RAPGEF1: variants seen among roughly 807,000 people sequenced by gnomAD.
The protein encoded by RAPGEF1 is CRK SH3-binding GNRP.
RAPGEF1 carries 33 observed loss-of-function variants against 143.3 expected under a neutral mutation model. The observed-to-expected ratio is 0.23, with a 90% confidence interval of 0.17 to 0.31. The LOEUF (loss-of-function observed/expected upper bound fraction) is 0.31, where lower values mean the gene tolerates loss of function less well. Ranked by LOEUF, RAPGEF1 falls within the 10% of genes least tolerant of loss-of-function variation. The pLI, the probability that RAPGEF1 is intolerant of heterozygous loss-of-function variation, is 1.00. For missense variants in RAPGEF1, 1,199 were observed against 1,645.4 expected (o/e 0.73, Z 4.69); for synonymous variants, 629 against 676.5 (o/e 0.93, Z 1.09).
rs938955536 is a variant in RAPGEF1, at chr9:131,738,652, G to A, written c.61+1118C>T. Among the ~76,000 whole-genome samples the A allele has an allele frequency of 1.2e-4, 18 of 152,286 alleles. 1 individual carries two copies. Among genetic ancestry groups the A allele is most frequent in the African/African-American group, 4.3e-4 (18 of 41,562 alleles). On this transcript the variant is annotated intron_variant, in intron 1 of 26. Transcript: ENST00000683357. ...AACTGGGACCATATTCTTTCCCACA[G>A]ACTAGCTTCAAAAATTTAAGAAGCA...
intron 22 of RAPGEF1, among the ~76,000 whole-genome samples, chr9:131,586,200 ACACACACACG>A (rs1952701062): frequency 6.8e-6 from 1 of 147,156 alleles, no homozygotes. Flanking sequence ...CGTCTCAAAC[ACACACACACG>A]CACGCACACA....
rs781323906 is a variant in RAPGEF1 at position 131,626,501 on chromosome 9, C to T, written c.1202-79G>A. 2.7e-5 allele frequency: 38 copies of T among 1,425,838 alleles called. No individual in the cohort carries two copies. The African/African-American group carries it at 4.3e-4, about 16-fold the overall frequency. 88.3% of individuals were successfully genotyped at this position (1,425,838 alleles called of 1,614,324 possible). A position where few individuals can be genotyped will look rare whatever the true frequency, so the allele number is the denominator to read the frequency against. Reference sequence around the variant, plus strand: ...CAGCCAGCTCCCCCCGCCCGCCTCTCGCCGGCTCGCTCATGGGTGTGTGAC... The same window carrying T: ...CAGCCAGCTCCCCCCGCCCGCCTCTTGCCGGCTCGCTCATGGGTGTGTGAC... On this transcript the variant is annotated intron_variant, in intron 9 of 26. Coordinates refer to ENST00000683357, the MANE Select transcript of RAPGEF1 (RefSeq NM_001377935.1).
chr9:131,714,322 G>A (rs1835708236), intron 1 of RAPGEF1, among the ~76,000 whole-genome samples: 1 of 151,936 alleles, frequency 6.6e-6, no homozygotes, highest in Non-Finnish European at 1.5e-5. Flanking sequence ...CTCACTTCTT[G>A]AAGGAGATTT....
intron 20 of RAPGEF1, among the ~76,000 whole-genome samples, chr9:131,588,579 C>G (rs1442013635): frequency 6.6e-6 from 1 of 152,192 alleles, no homozygotes; most frequent in African/African-American, 2.4e-5. Context: ...AAGCCCCATG[C>G]CCTGCTGCCC....
At chr9:131,683,798 T>C (rs956468409) in intron 1 of RAPGEF1, among the ~76,000 whole-genome samples, 1 of 152,278 alleles carries the variant, frequency 6.6e-6, no homozygotes, top group Non-Finnish European at 1.5e-5. Flanking sequence ...ATGTGGTTTC[T>C]GATTCTTCAT....
At chr9:131,739,330 C>T (rs777612702) in intron 1 of RAPGEF1, among the ~76,000 whole-genome samples, 34 of 152,222 alleles carry the variant, frequency 2.2e-4, no homozygotes, top group Middle Eastern at 3.2e-3. Context: ...GGACGCTTCT[C>T]GTTAAACTCG....
At chr9:131,730,284 T>C (rs1409607679) in intron 1 of RAPGEF1, among the ~76,000 whole-genome samples, 1 of 152,010 alleles carries the variant, frequency 6.6e-6, no homozygotes, top group African/African-American at 2.4e-5. Context: ...AAAAGCTATT[T>C]TGATGATTAG....
At chr9:131,603,704 T>C (rs1052671992) in intron 14 of RAPGEF1, among the ~76,000 whole-genome samples, 10 of 152,258 alleles carry the variant, frequency 6.6e-5, no homozygotes, top group Admixed American at 4.6e-4. Context: ...CAGAGATTTC[T>C]AGATGACCCA....
At chr9:131,717,545 G>A (rs1475966224) in intron 1 of RAPGEF1, among the ~76,000 whole-genome samples, 1 of 152,166 alleles carries the variant, frequency 6.6e-6, no homozygotes, top group Non-Finnish European at 1.5e-5. Context: ...GGAGGCCAAG[G>A]CAGGCAGATT....
chr9:131,682,075 C>A (rs1267880722), intron 1 of RAPGEF1, among the ~76,000 whole-genome samples: 1 of 152,052 alleles, frequency 6.6e-6, no homozygotes, highest in Non-Finnish European at 1.5e-5. Flanking sequence ...TCTGCTAGCA[C>A]AGGCAATGGC....
At chr9:131,638,936 C>A in intron 4 of RAPGEF1, 145 bp from the exon 5 acceptor site, 1 of 746,200 alleles carries the variant, frequency 1.3e-6, no homozygotes, top group Non-Finnish European at 2.1e-6. Context: ...CAAACTTCTC[C>A]CATGAGACTT....
chr9:131,639,437 AGTGTGTGTGTGT>A (rs3837234), intron 4 of RAPGEF1, among the ~76,000 whole-genome samples: 8 of 149,152 alleles, frequency 5.4e-5, no homozygotes, highest in African/African-American at 1.2e-4. Flanking sequence ...AACGCAGGTG[AGTGTGTGTGTGT>A]GTGTGTGTGT....
chr9:131,610,994 A>G (rs1485506405), intron 12 of RAPGEF1, among the ~76,000 whole-genome samples: 1 of 152,226 alleles, frequency 6.6e-6, no homozygotes. Flanking sequence ...TACGGTCCCA[A>G]TTAACTACTG....
intron 21 of RAPGEF1, 51 bp from the exon 22 acceptor site, chr9:131,587,881 TG>T: frequency 6.3e-7 from 1 of 1,598,834 alleles, no homozygotes; most frequent in Admixed American, 1.7e-5. Flanking sequence ...TTTCCCCTGA[TG>T]GGGGTTTCTC....
At chr9:131,644,891 A>G (rs963808232) in intron 3 of RAPGEF1, among the ~76,000 whole-genome samples, 2 of 152,226 alleles carry the variant, frequency 1.3e-5, no homozygotes, top group East Asian at 3.8e-4. Context: ...GGGAATGTCA[A>G]AAGAAAAATA....
intron 1 of RAPGEF1, among the ~76,000 whole-genome samples, chr9:131,694,993 T>C (rs1264696525): frequency 8.0e-6 from 1 of 124,318 alleles, no homozygotes; most frequent in Non-Finnish European, 1.6e-5. Flanking sequence ...TTCCCCTTCC[T>C]GTGTCCATGT....
At position 131,629,242 on chromosome 9, in the gene RAPGEF1, G is replaced by A. The variant is rs1447815572; in HGVS notation, c.753C>T (p.Leu251=). Residue 251 remains leucine, a synonymous_variant, in exon 7 of 27, where the codon CTC becomes CTT. Transcript: ENST00000683357. Reference sequence around the variant, plus strand: ...TCTCTACCTCGCGGTCTGTCAGGGGGAGCTCTGCTGGGCTGGAGAATTGGG... The same window carrying A: ...TCTCTACCTCGCGGTCTGTCAGGGGAAGCTCTGCTGGGCTGGAGAATTGGG... The part of the protein sequence containing the change: ...PASKPDGPAE[L]PLTDREVEIL... 1 of 1,613,632 alleles carries A rather than the reference G, an allele frequency of 6.2e-7. No homozygotes were observed. The highest frequency in any genetic ancestry group is 1.3e-5 in the African/African-American group (1 of 74,922).
At position 131,580,361 on chromosome 9, in the gene RAPGEF1, A is replaced by G; in HGVS notation, c.3543T>C (p.Val1181=). The G allele has an allele frequency of 6.2e-7, 1 of 1,613,862 alleles. No individual in the cohort carries two copies. Residue 1181 remains valine (V), a synonymous_variant, in exon 26 of 27, where the codon GTT becomes GTC. Transcript: ENST00000683357. ...CGATGTAGTCTGGGTTTCCCAGGTGAACGAAGGTCAGGTCCTGCAGGATCA... is the reference window on the plus strand; with the variant it reads ...CGATGTAGTCTGGGTTTCCCAGGTGGACGAAGGTCAGGTCCTGCAGGATCA... The part of the protein sequence containing the change: ...LGLILQDLTF[V]HLGNPDYIDG...
In RAPGEF1 at chr9:131,584,621, A is replaced by G; in HGVS notation, c.3234-25T>C. The G allele has an allele frequency of 1.2e-6, 2 of 1,612,040 alleles. No individual in the cohort carries two copies. Among genetic ancestry groups the G allele is most frequent in the South Asian group, 1.1e-5 (1 of 91,036 alleles). ...CCTGCATGGACCAAGGGAAAAAGAA[A>G]CAGCTGAGTTGACAAGTCCCTGCAG... On this transcript the variant is annotated intron_variant, in intron 22 of 26. Coordinates refer to ENST00000683357, the MANE Select transcript of RAPGEF1 (RefSeq NM_001377935.1). This position sits in a 1 kb window ranked among gnomAD's most constrained non-coding sequence, Gnocchi z 6.8.
Sources: allele counts gnomAD v4.1 joint callset (sites outside exome capture counted in the v4.1 genomes callset), GRCh38; gene constraint gnomAD v4.1.1; non-coding constraint Gnocchi (gnomAD v3.1); transcripts MANE v1.5; gene names NCBI Gene and HGNC (gene_info 2026-07-23, HGNC 2026-07-21).